FFAR4: variants seen among roughly 807,000 people sequenced by gnomAD.
FFAR4 encodes the protein free fatty acid receptor 4.
Under a neutral mutation model 27.0 loss-of-function variants are expected in FFAR4, and 19 were observed. That is an observed-to-expected ratio of 0.70 (90% CI 0.49 to 1.03). The LOEUF (loss-of-function observed/expected upper bound fraction) is 1.03, where lower values mean the gene tolerates loss of function less well. Ranked by LOEUF, FFAR4 falls within the 50% of genes least tolerant of loss-of-function variation. The pLI, the probability that FFAR4 is intolerant of heterozygous loss-of-function variation, is 0.00. For synonymous variants in FFAR4, 254 were observed against 215.6 expected, an observed-to-expected ratio of 1.18 and a Z score of -1.56; for missense variants, 476 against 479.0, an observed-to-expected ratio of 0.99 and a Z score of 0.06.
rs1398947747 is a variant in FFAR4, at chr10:93,566,790, C to T, written c.70C>T (p.Arg24Cys). 11 of 1,608,796 alleles carry T rather than the reference C, an allele frequency of 6.8e-6. No homozygotes were observed. The highest frequency in any genetic ancestry group is 1.3e-5 in the African/African-American group (1 of 74,866). The change falls in exon 1 of 3, where the codon CGC becomes TGC. Residue 24 changes from arginine to cysteine, a missense_variant. By Grantham distance (180) the Arg-to-Cys change is radical. Coordinates refer to ENST00000371481, the MANE Select transcript of FFAR4 (RefSeq NM_001195755.2). ...LRSLEQANRTRFPFFSDVKGD... is the reference protein window; with the variant it reads ...LRSLEQANRTCFPFFSDVKGD... Reference sequence around the variant, plus strand: ...CAGCCTGGAGCAAGCCAACCGCACCCGCTTTCCCTTCTTCTCCGACGTCAA... The same window carrying T: ...CAGCCTGGAGCAAGCCAACCGCACCTGCTTTCCCTTCTTCTCCGACGTCAA...
In FFAR4 at chr10:93,589,553, G is replaced by A. The variant is rs1231693884; in HGVS notation, c.*1944G>A. 2 of 149,332 alleles carry A rather than the reference G, an allele frequency of 1.3e-5. No homozygotes were observed. The highest frequency in any genetic ancestry group is 1.4e-4 in the Admixed American group (2 of 14,668). 9.3% of individuals were successfully genotyped at this position (149,332 alleles called of 1,614,324 possible). On this transcript the variant is annotated 3_prime_UTR_variant, in exon 3 of 3. Transcript: ENST00000371481. ...TACTCTGATTTTTTAGCCTGTCATT[G>A]GTTGGATGGTGAAGCAGGCAACAAA...
At chr10:93,578,678 C>A (rs1360476388) in intron 2 of FFAR4, among the ~76,000 whole-genome samples, 1 of 152,152 alleles carries the variant, frequency 6.6e-6, no homozygotes, top group African/African-American at 2.4e-5. Flanking sequence ...CCATGCCTGC[C>A]TGTAGCAGGT....
intron 1 of FFAR4, among the ~76,000 whole-genome samples, chr10:93,574,046 T>C (rs77270098): frequency 0.081 from 12,298 of 152,248 alleles, 720 homozygotes; most frequent in Non-Finnish European, 0.12. Context: ...TATCCTTCCA[T>C]GTTTTTTTCT....
At chr10:93,581,963 C>G (rs1204744419) in intron 2 of FFAR4, among the ~76,000 whole-genome samples, 1 of 152,132 alleles carries the variant, frequency 6.6e-6, no homozygotes, top group Non-Finnish European at 1.5e-5. Context: ...CCTCTTAGTT[C>G]CAAAACTGCG....
chr10:93,577,975 A>G (rs1205290545), intron 2 of FFAR4, among the ~76,000 whole-genome samples: 1 of 152,208 alleles, frequency 6.6e-6, no homozygotes, highest in Admixed American at 6.5e-5. Context: ...AAGCTTTGAC[A>G]TAAAAGGGGA....
At chr10:93,574,884 T>C (rs149013827) in intron 1 of FFAR4, among the ~76,000 whole-genome samples, 1 of 152,048 alleles carries the variant, frequency 6.6e-6, no homozygotes, top group Non-Finnish European at 1.5e-5. Context: ...GGCAACAAAG[T>C]GAGACTCTGT....
chr10:93,571,428 A>C (rs955150857), intron 1 of FFAR4, among the ~76,000 whole-genome samples: 1 of 152,152 alleles, frequency 6.6e-6, no homozygotes, highest in African/African-American at 2.4e-5. Context: ...ACCCCACCCC[A>C]TATTCTTTTG....
In FFAR4 at chr10:93,587,486, C is replaced by T; in HGVS notation, c.963C>T (p.Tyr321=). 6.2e-7 allele frequency: 1 copy of T among 1,614,182 alleles called. No homozygotes were observed. The highest frequency in any genetic ancestry group is 8.5e-7 in the Non-Finnish European group (1 of 1,180,034). ...FANSALNPIL[Y]NMTLCRNEWK... Reference sequence around the variant, plus strand: ...ATTCAGCCCTAAACCCCATCCTCTACAACATGACACTGTGCAGGAATGAGT... The same window carrying T: ...ATTCAGCCCTAAACCCCATCCTCTATAACATGACACTGTGCAGGAATGAGT... The change falls in exon 3 of 3, where the codon TAC becomes TAT. Residue 321 remains tyrosine, a synonymous_variant. Coordinates refer to ENST00000371481, the MANE Select transcript of FFAR4 (RefSeq NM_001195755.2).
Position 93,566,993 on chromosome 10 carries a change from T to G in FFAR4, c.273T>G (p.Ala91=). 2 of 1,611,974 alleles carry G rather than the reference T, an allele frequency of 1.2e-6. No homozygotes were observed. Among genetic ancestry groups the G allele is most frequent in the Non-Finnish European group, 1.7e-6 (2 of 1,179,842 alleles). ...LFCADLLFIS[A]IPLVLAVRWT... is the part of the protein sequence containing the mutation. ...GCGCGGACCTGCTCTTCATCAGCGC[T>G]ATCCCTCTGGTGCTGGCCGTGCGCT... is the stretch of plus-strand genomic sequence containing the variant. The change falls in exon 1 of 3, where the codon GCT becomes GCG. Residue 91 remains alanine, a synonymous_variant. Coordinates refer to ENST00000371481, the MANE Select transcript of FFAR4 (RefSeq NM_001195755.2).
At chr10:93,576,325 C>T in intron 2 of FFAR4, 106 bp downstream of exon 2, 1 of 1,180,158 alleles carries the variant, frequency 8.5e-7, no homozygotes, top group South Asian at 1.3e-5. Flanking sequence ...TTCACGCCAG[C>T]TCAATCTTGA....
chr10:93,572,609 T>G (rs1564782186), intron 1 of FFAR4, among the ~76,000 whole-genome samples: 1 of 152,066 alleles, frequency 6.6e-6, no homozygotes, highest in Non-Finnish European at 1.5e-5. Flanking sequence ...AGGAGGAATT[T>G]AGAGATCCCT....
In FFAR4 at chr10:93,567,093, A is replaced by T. The variant is rs1471987593; in HGVS notation, c.373A>T (p.Thr125Ser). 3.7e-6 allele frequency: 6 copies of T among 1,609,400 alleles called. No individual in the cohort carries two copies. Among genetic ancestry groups the T allele is most frequent in the Admixed American group, 1.7e-5 (1 of 59,846 alleles). Residue 125 changes from threonine (T) to serine (S), a missense_variant, in exon 1 of 3, where the codon ACC becomes TCC. Coordinates refer to ENST00000371481, the MANE Select transcript of FFAR4 (RefSeq NM_001195755.2). ...CGTGATGACCCTGAGCGGCAGCGTC[A>T]CCATCCTCACGCTGGCCGCGGTCAG... ...FYVMTLSGSVTILTLAAVSLE... is the reference protein window; with the variant it reads ...FYVMTLSGSVSILTLAAVSLE...
At chr10:93,586,532 A>G (rs930827324) in intron 2 of FFAR4, among the ~76,000 whole-genome samples, 1 of 152,216 alleles carries the variant, frequency 6.6e-6, no homozygotes, top group Non-Finnish European at 1.5e-5. Flanking sequence ...ACAAGGCCAA[A>G]GAAATAAAAT....
chr10:93,567,332 T>C, intron 1 of FFAR4, 45 bp downstream of exon 1: 1 of 1,553,370 alleles, frequency 6.4e-7, no homozygotes, highest in Non-Finnish European at 8.7e-7. Flanking sequence ...CTGCGCAGGC[T>C]GGGAAGCGGG....
rs562512614 is a variant in FFAR4 at position 93,589,985 on chromosome 10, A to G, written c.*2376A>G. 1 of 152,190 alleles carries G rather than the reference A, an allele frequency of 6.6e-6. No homozygotes were observed. Among genetic ancestry groups the G allele is most frequent in the South Asian group, 2.1e-4 (1 of 4,828 alleles). The allele number at this position is 152,190 out of a possible 1,614,324, so 9.4% of individuals were successfully genotyped here. On this transcript the variant is annotated 3_prime_UTR_variant, in exon 3 of 3. Coordinates refer to ENST00000371481, the MANE Select transcript of FFAR4 (RefSeq NM_001195755.2). Reference sequence around the variant, plus strand: ...CTTGCTTCTGAAGTCAGATTCATGGATATCACAAGCTCGAAGACAAACGAA... The same window carrying G: ...CTTGCTTCTGAAGTCAGATTCATGGGTATCACAAGCTCGAAGACAAACGAA...
rs770538679 is a variant in FFAR4, at chr10:93,567,002, G to A, written c.282G>A (p.Leu94=). ...TGCTCTTCATCAGCGCTATCCCTCT[G>A]GTGCTGGCCGTGCGCTGGACTGAGG... The part of the protein sequence containing the change: ...ADLLFISAIP[L]VLAVRWTEAW... The change falls in exon 1 of 3, where the codon CTG becomes CTA. Residue 94 remains leucine, a synonymous_variant. Transcript: ENST00000371481. 10 of 1,611,802 alleles carry A rather than the reference G, an allele frequency of 6.2e-6. No individual in the cohort carries two copies. The South Asian group carries it at 8.8e-5, about 14-fold the overall frequency.
chr10:93,572,171 A>G (rs2058135515), intron 1 of FFAR4, among the ~76,000 whole-genome samples: 1 of 151,848 alleles, frequency 6.6e-6, no homozygotes, highest in Non-Finnish European at 1.5e-5. Context: ...TTCAGTGGGG[A>G]CTCCAGACAG....
intron 2 of FFAR4, among the ~76,000 whole-genome samples, chr10:93,583,360 G>A (rs1394941925): frequency 2.0e-5 from 3 of 151,108 alleles, no homozygotes; most frequent in Non-Finnish European, 4.4e-5. Flanking sequence ...AGCTTGCAGT[G>A]AGCCGAGATG....
intron 1 of FFAR4, among the ~76,000 whole-genome samples, chr10:93,570,159 ATC>A (rs1042203948): frequency 6.6e-4 from 97 of 147,932 alleles, no homozygotes; most frequent in African/African-American, 1.9e-3. Context: ...CATCCACCTC[ATC>A]TCTCTCTCTC....
Sources: allele counts gnomAD v4.1 joint callset (sites outside exome capture counted in the v4.1 genomes callset), GRCh38; gene constraint gnomAD v4.1.1; transcripts MANE v1.5; gene names NCBI Gene and HGNC (gene_info 2026-07-23, HGNC 2026-07-21).